BRINP3: variants seen among roughly 807,000 people sequenced by gnomAD.
The protein encoded by BRINP3 is BMP/retinoic acid-inducible neural-specific protein 3.
BRINP3 carries 19 observed loss-of-function variants against 71.0 expected under a neutral mutation model. That is an observed-to-expected ratio of 0.27 (90% CI 0.19 to 0.39). BRINP3 has a LOEUF of 0.39. Ranked by LOEUF, BRINP3 falls within the 10% of genes least tolerant of loss-of-function variation. The pLI, the probability that BRINP3 is intolerant of heterozygous loss-of-function variation, is 1.00. For synonymous variants in BRINP3, 380 were observed against 337.7 expected (o/e 1.13, Z -1.37); for missense variants, 959 against 940.8 (o/e 1.02, Z -0.25).
intron 6 of BRINP3, among the ~76,000 whole-genome samples, chr1:190,184,290 A>G (rs1653307046): frequency 1.3e-5 from 2 of 152,138 alleles, no homozygotes; most frequent in African/African-American, 4.8e-5. Context: ...GTGGGAATAT[A>G]AATTAGTTCA....
At chr1:190,288,599 C>G (rs1252453873) in intron 2 of BRINP3, among the ~76,000 whole-genome samples, 2 of 151,846 alleles carry the variant, frequency 1.3e-5, no homozygotes, top group Non-Finnish European at 2.9e-5. Context: ...TGTAATAAAA[C>G]TGATACAGGA....
intron 6 of BRINP3, among the ~76,000 whole-genome samples, chr1:190,194,685 T>C (rs894934836): frequency 6.6e-6 from 1 of 152,124 alleles, no homozygotes; most frequent in Non-Finnish European, 1.5e-5. Flanking sequence ...ATAAGCCACT[T>C]GAGCACCTGT....
At chr1:190,138,753 T>C (rs7516645) in intron 7 of BRINP3, among the ~76,000 whole-genome samples, 94,296 of 151,962 alleles carry the variant, frequency 0.62, 31,283 homozygotes, top group African/African-American at 0.88. Context: ...CTCAGAAAGG[T>C]TGGTAGAATG....
chr1:190,151,048 A>G lies in BRINP3; in HGVS notation c.1184+9620T>C, dbSNP rs533474393. Among the ~76,000 whole-genome samples, 3 of 152,220 alleles carry G rather than the reference A, an allele frequency of 2.0e-5. No homozygotes were observed. In the South Asian group the frequency reaches 6.2e-4, roughly 32 times the overall value. On this transcript the variant is annotated intron_variant, in intron 7 of 7. Coordinates refer to ENST00000367462, the MANE Select transcript of BRINP3 (RefSeq NM_199051.3). ...TGTAATATCAGCCACTTGGCAGGGT[A>G]AGGCCATAGAATCGCTTGAACCTGG...
At chr1:190,401,142 G>T (rs1228655034) in intron 2 of BRINP3, among the ~76,000 whole-genome samples, 3 of 152,028 alleles carry the variant, frequency 2.0e-5, no homozygotes, top group Non-Finnish European at 2.9e-5. Context: ...CAAATCACTT[G>T]AGGTCAGTAG....
chr1:190,388,730 C>CG, intron 2 of BRINP3, among the ~76,000 whole-genome samples: 1 of 151,794 alleles, frequency 6.6e-6, no homozygotes, highest in East Asian at 1.9e-4. Flanking sequence ...ATTACAACAT[C>CG]TCTAAGAAAT....
intron 1 of BRINP3, among the ~76,000 whole-genome samples, chr1:190,467,649 A>C (rs1676849388): frequency 1.3e-5 from 2 of 151,450 alleles, no homozygotes; most frequent in Non-Finnish European, 3.0e-5. Context: ...TTCTTACAAT[A>C]AGCATCTACT....
intron 2 of BRINP3, among the ~76,000 whole-genome samples, chr1:190,313,637 G>T (rs1571719778): frequency 6.6e-6 from 1 of 151,934 alleles, no homozygotes; most frequent in Non-Finnish European, 1.5e-5. Flanking sequence ...ATCTCAATAA[G>T]TTCTGGGCAC....
At chr1:190,258,167 T>C (rs1350478590) in intron 4 of BRINP3, among the ~76,000 whole-genome samples, 1 of 152,186 alleles carries the variant, frequency 6.6e-6, no homozygotes, top group Non-Finnish European at 1.5e-5. Flanking sequence ...AGCTGCTTTG[T>C]TCAACTACTC....
At chr1:190,418,357 C>G (rs1673140785) in intron 2 of BRINP3, among the ~76,000 whole-genome samples, 1 of 152,028 alleles carries the variant, frequency 6.6e-6, no homozygotes, top group African/African-American at 2.4e-5. Context: ...CCTTCTTATT[C>G]TTTTTATGAA....
chr1:190,223,420 A>C (rs1451447562), intron 6 of BRINP3, among the ~76,000 whole-genome samples: 1 of 151,962 alleles, frequency 6.6e-6, no homozygotes, highest in East Asian at 1.9e-4. Context: ...ACATATCATT[A>C]TTTCAATAGA....
intron 2 of BRINP3, among the ~76,000 whole-genome samples, chr1:190,399,907 G>C (rs780376262): frequency 1.4e-4 from 21 of 152,102 alleles, no homozygotes; most frequent in Non-Finnish European, 2.1e-4. Flanking sequence ...TTTAAGTGGA[G>C]ATCTTAAATT....
At chr1:190,385,709 G>A (rs1320855916) in intron 2 of BRINP3, among the ~76,000 whole-genome samples, 2 of 152,054 alleles carry the variant, frequency 1.3e-5, no homozygotes, top group Non-Finnish European at 2.9e-5. Context: ...AATACCATTT[G>A]ACCCAGCCAT....
At chr1:190,217,257 G>A (rs6681246) in intron 6 of BRINP3, among the ~76,000 whole-genome samples, 31,627 of 151,634 alleles carry the variant, frequency 0.21, 3,662 homozygotes, top group Middle Eastern at 0.31. Flanking sequence ...CAACTTACAA[G>A]AGCCTGTGAG....
chr1:190,238,094 A>C (rs887102401), intron 4 of BRINP3, among the ~76,000 whole-genome samples: 1 of 152,038 alleles, frequency 6.6e-6, no homozygotes, highest in Non-Finnish European at 1.5e-5. Flanking sequence ...ATTTAATTTT[A>C]TACATTTTGC....
intron 2 of BRINP3, among the ~76,000 whole-genome samples, chr1:190,446,693 C>G (rs970677846): frequency 3.9e-5 from 6 of 152,018 alleles, no homozygotes; most frequent in African/African-American, 1.4e-4. Flanking sequence ...CTCAAAGGAT[C>G]TACAGACATC....
At chr1:190,416,819 T>C (rs2102437068) in intron 2 of BRINP3, among the ~76,000 whole-genome samples, 1 of 152,252 alleles carries the variant, frequency 6.6e-6, no homozygotes, top group Middle Eastern at 3.4e-3. Flanking sequence ...ATTGACAGTA[T>C]TACTCCAGAA....
At chr1:190,237,785 T>C (rs992984904) in intron 4 of BRINP3, among the ~76,000 whole-genome samples, 1 of 152,102 alleles carries the variant, frequency 6.6e-6, no homozygotes, top group African/African-American at 2.4e-5. Context: ...TGAGTAATTT[T>C]ATCAGCCATC....
At chr1:190,293,665 G>A (rs1441039773) in intron 2 of BRINP3, among the ~76,000 whole-genome samples, 1 of 152,080 alleles carries the variant, frequency 6.6e-6, no homozygotes, top group African/African-American at 2.4e-5. Flanking sequence ...TTTCCCTTGA[G>A]ATCTATTAAA....
Sources: gnomAD v4.1 joint callset for allele counts (sites outside exome capture counted in the v4.1 genomes callset) on GRCh38, gnomAD v4.1.1 for gene constraint, MANE v1.5 for transcripts, NCBI Gene and HGNC (gene_info 2026-07-23, HGNC 2026-07-21) for gene names.